NTN4: variants seen among roughly 807,000 people sequenced by gnomAD.
The protein encoded by NTN4 is netrin 4.
A neutral mutation model predicts 73.6 loss-of-function variants in NTN4; 32 were observed. The ratio of observed to expected loss-of-function variants is 0.44; its 90% confidence interval spans 0.33 to 0.58. The LOEUF is 0.58. NTN4 is among the 20% of genes least tolerant of loss of function. The pLI is 0.04. For missense variants in NTN4, 654 were observed against 798.3 expected (o/e 0.82, Z 2.18); for synonymous variants, 258 against 287.5 (o/e 0.90, Z 1.04).
chr12:95,671,460 C>T (rs374072678), intron 7 of NTN4, among the ~76,000 whole-genome samples: 1 of 152,098 alleles, frequency 6.6e-6, no homozygotes, highest in Non-Finnish European at 1.5e-5. Flanking sequence ...CTCAAATTAC[C>T]GCCTGAGCTC....
rs147982090 is a variant in NTN4 at position 95,684,325 on chromosome 12, G to T, written c.1181-614C>A. On this transcript the variant is annotated intron_variant, in intron 5 of 9. Transcript: ENST00000343702. ...GCTTTGCTTTTTTTTTTGAGAGAGG[G>T]TCTCACTCTATCACCAAGACCAGAG... 5.7e-3 allele frequency among the ~76,000 whole-genome samples: 866 copies of T among 151,086 alleles called. 11 individuals carry two copies. The highest frequency in any genetic ancestry group is 0.02 in the African/African-American group (818 of 41,138).
At chr12:95,667,391 C>A (rs1413368589) in intron 8 of NTN4, among the ~76,000 whole-genome samples, 1 of 151,870 alleles carries the variant, frequency 6.6e-6, no homozygotes, top group Non-Finnish European at 1.5e-5. Flanking sequence ...AAGTTCTTAT[C>A]GGCTTATCCA....
chr12:95,753,455 TAAGTA>T (rs1232717575), intron 2 of NTN4, among the ~76,000 whole-genome samples: 1 of 144,380 alleles, frequency 6.9e-6, no homozygotes, highest in Non-Finnish European at 1.5e-5. Flanking sequence ...TTTCACTGAA[TAAGTA>T]AAGGCCTTTC....
chr12:95,676,367 A>G (rs1482222124), intron 7 of NTN4, among the ~76,000 whole-genome samples: 2 of 152,032 alleles, frequency 1.3e-5, no homozygotes, highest in Non-Finnish European at 2.9e-5. Context: ...TCGGCCTCCC[A>G]AAGTGCTGGG....
intron 3 of NTN4, among the ~76,000 whole-genome samples, chr12:95,720,936 A>G (rs2078643401): frequency 6.6e-6 from 1 of 152,154 alleles, no homozygotes; most frequent in Non-Finnish European, 1.5e-5. Context: ...TTACACGAAA[A>G]CCCCATACAG....
intron 3 of NTN4, among the ~76,000 whole-genome samples, chr12:95,720,420 T>A (rs1382651129): frequency 3.3e-5 from 5 of 152,184 alleles, no homozygotes; most frequent in African/African-American, 4.8e-5. Context: ...ATGGGAATCA[T>A]ACATTATCCG....
intron 2 of NTN4, among the ~76,000 whole-genome samples, chr12:95,756,880 T>G (rs1045171266): frequency 6.6e-6 from 1 of 151,956 alleles, no homozygotes; most frequent in Non-Finnish European, 1.5e-5. Flanking sequence ...TCTCTGTCAT[T>G]GCCACCCATT....
At chr12:95,686,029 G>A (rs1236758845) in intron 5 of NTN4, among the ~76,000 whole-genome samples, 1 of 152,024 alleles carries the variant, frequency 6.6e-6, no homozygotes, top group Non-Finnish European at 1.5e-5. Flanking sequence ...GGGACTATGG[G>A]CACATGCCAG....
In NTN4 at chr12:95,753,353, G is replaced by A. The variant is rs1467018933; in HGVS notation, c.586-15209C>T. Among the ~76,000 whole-genome samples, 5 of 147,624 alleles carry A rather than the reference G, an allele frequency of 3.4e-5. No individual in the cohort carries two copies. The East Asian group carries it at 7.9e-4, about 23-fold the overall frequency. On this transcript the variant is annotated intron_variant, in intron 2 of 9. Coordinates refer to ENST00000343702, the MANE Select transcript of NTN4 (RefSeq NM_021229.4). ...CCTCCCTTCCCTACACATCAAGCTC[G>A]AGGATTTGTCCCCACCCAGGACTGG...
intron 3 of NTN4, 53 bp downstream of exon 3, chr12:95,737,813 G>A: frequency 6.4e-7 from 1 of 1,557,392 alleles, no homozygotes. Context: ...AATGCCCAAA[G>A]CTGAAGGTAA....
At chr12:95,760,814 A>G (rs1056913832) in intron 2 of NTN4, among the ~76,000 whole-genome samples, 16 of 151,770 alleles carry the variant, frequency 1.1e-4, no homozygotes, top group Non-Finnish European at 7.4e-5. Flanking sequence ...AAGTTTTAAG[A>G]GGTTGGGACT....
intron 2 of NTN4, among the ~76,000 whole-genome samples, chr12:95,771,281 G>A (rs1303850506): frequency 6.6e-6 from 1 of 152,154 alleles, no homozygotes; most frequent in African/African-American, 2.4e-5. Context: ...GAGCCACCGC[G>A]CGGGGCCAAG....
intron 2 of NTN4, among the ~76,000 whole-genome samples, chr12:95,747,563 C>T (rs926527540): frequency 1.3e-5 from 2 of 152,140 alleles, no homozygotes; most frequent in Admixed American, 6.5e-5. Flanking sequence ...CTTGGTCTCT[C>T]AAAGTTTTGG....
chr12:95,784,005 A>G (rs1236211390), intron 2 of NTN4, among the ~76,000 whole-genome samples: 1 of 152,192 alleles, frequency 6.6e-6, no homozygotes, highest in Non-Finnish European at 1.5e-5. Flanking sequence ...AGTCTGGCAT[A>G]TATTTATGTT....
Position 95,736,029 on chromosome 12 carries a change from C to A in NTN4, c.864+1837G>T, listed in dbSNP as rs1040742770. Among the ~76,000 whole-genome samples, 3 of 151,832 alleles carry A rather than the reference C, an allele frequency of 2.0e-5. No homozygotes were observed. In the South Asian group the frequency reaches 6.2e-4, roughly 32 times the overall value. On this transcript the variant is annotated intron_variant, in intron 3 of 9. Transcript: ENST00000343702. ...TCTCGGCTCACTGCAACCTCCGCCTCCCAGGTTCAAGTGATTGTTGTGCCT... is the reference window on the plus strand; with the variant it reads ...TCTCGGCTCACTGCAACCTCCGCCTACCAGGTTCAAGTGATTGTTGTGCCT...
At chr12:95,694,584 A>G (rs960389023) in intron 5 of NTN4, among the ~76,000 whole-genome samples, 22 of 152,206 alleles carry the variant, frequency 1.4e-4, no homozygotes, top group African/African-American at 4.6e-4. Context: ...AGTAGAAAAA[A>G]TGAGATCTTT....
intron 5 of NTN4, among the ~76,000 whole-genome samples, chr12:95,699,934 A>G (rs1370227941): frequency 6.6e-6 from 1 of 152,138 alleles, no homozygotes; most frequent in Non-Finnish European, 1.5e-5. Context: ...AAGACTATGT[A>G]ATAGTTTAAA....
At chr12:95,745,239 T>G (rs2078853819) in intron 2 of NTN4, among the ~76,000 whole-genome samples, 1 of 152,200 alleles carries the variant, frequency 6.6e-6, no homozygotes, top group African/African-American at 2.4e-5. Flanking sequence ...TTAAAAATTT[T>G]TGTTCCCCTC....
intron 5 of NTN4, among the ~76,000 whole-genome samples, chr12:95,706,004 G>T (rs892602207): frequency 3.3e-5 from 5 of 152,098 alleles, no homozygotes. Flanking sequence ...AAAAGTTACG[G>T]GTGTTGTTTA....
Sources: allele counts gnomAD v4.1 joint callset (sites outside exome capture counted in the v4.1 genomes callset), GRCh38; gene constraint gnomAD v4.1.1; transcripts MANE v1.5; gene names NCBI Gene and HGNC (gene_info 2026-07-23, HGNC 2026-07-21).